The following CCDC102B variants were observed in gnomAD, a reference collection of about 807,000 sequenced individuals.
The protein encoded by CCDC102B is coiled-coil domain containing 102B.
A neutral mutation model predicts 57.4 loss-of-function variants in CCDC102B; 75 were observed. The ratio of observed to expected loss-of-function variants is 1.31; its 90% CI spans 1.08 to 1.58. The LOEUF (loss-of-function observed/expected upper bound fraction) is 1.58, where lower values mean the gene tolerates loss of function less well. Ranked by LOEUF, CCDC102B falls within the 40% of genes most tolerant of loss-of-function variation. The pLI is 0.00. For missense variants in CCDC102B, 636 were observed against 582.6 expected (o/e 1.09, Z -0.94); for synonymous variants, 206 against 201.9 (o/e 1.02, Z -0.17).
At chr18:68,828,255 A>G (rs1344629709) in intron 1 of CCDC102B, among the ~76,000 whole-genome samples, 1 of 149,800 alleles carries the variant, frequency 6.7e-6, no homozygotes, top group Non-Finnish European at 1.5e-5. Context: ...ACATTCCACC[A>G]TACAATTGCA....
At chr18:68,967,536 A>G (rs1754879473) in intron 6 of CCDC102B, among the ~76,000 whole-genome samples, 1 of 152,200 alleles carries the variant, frequency 6.6e-6, no homozygotes, top group Admixed American at 6.6e-5. Flanking sequence ...AGTTTTACAT[A>G]AATTGTTTGA....
intron 6 of CCDC102B, among the ~76,000 whole-genome samples, chr18:68,921,442 G>T (rs2041277198): frequency 6.6e-6 from 1 of 152,198 alleles, no homozygotes; most frequent in Non-Finnish European, 1.5e-5. Context: ...AACTGTCAGT[G>T]TGTTACTTAT....
chr18:68,874,208 G>A (rs202148104), intron 4 of CCDC102B, among the ~76,000 whole-genome samples: 19,390 of 103,984 alleles, frequency 0.19, 1,521 homozygotes, highest in South Asian at 0.28. Context: ...GTGTGTGTGT[G>A]TGTGTATATA....
intron 6 of CCDC102B, among the ~76,000 whole-genome samples, chr18:68,951,167 A>T (rs2049687074): frequency 6.6e-6 from 1 of 152,096 alleles, no homozygotes; most frequent in South Asian, 2.1e-4. Flanking sequence ...GAAAGTGCAG[A>T]ATTTAAATAA....
chr18:68,929,675 A>G (rs2041599961), intron 6 of CCDC102B, among the ~76,000 whole-genome samples: 1 of 151,954 alleles, frequency 6.6e-6, no homozygotes, highest in African/African-American at 2.4e-5. Flanking sequence ...CCATCTCCAG[A>G]GCTTCTAAGC....
chr18:68,896,750 A>T (rs897177912), intron 5 of CCDC102B, among the ~76,000 whole-genome samples: 4 of 152,018 alleles, frequency 2.6e-5, no homozygotes, highest in African/African-American at 9.7e-5. Context: ...GGCAACTGCA[A>T]ATGTTGCATA....
At chr18:68,969,557 G>C (rs1806471530) in intron 6 of CCDC102B, among the ~76,000 whole-genome samples, 1 of 150,504 alleles carries the variant, frequency 6.6e-6, no homozygotes, top group Non-Finnish European at 1.5e-5. Context: ...AGCAGACATG[G>C]TACACAGTAG....
intron 2 of CCDC102B, among the ~76,000 whole-genome samples, chr18:68,779,167 A>G (rs2034923655): frequency 6.6e-6 from 1 of 151,970 alleles, no homozygotes. Context: ...AATGCCCAAA[A>G]TTTACTCTGC....
rs9948027 is a variant in CCDC102B at position 68,818,015 on chromosome 18, A to C, written c.-15-18734A>C. On this transcript the variant is annotated intron_variant, in intron 1 of 7. Coordinates refer to ENST00000360242, the MANE Select transcript of CCDC102B (RefSeq NM_024781.3). Reference sequence around the variant, plus strand: ...AAAATTTTCATTATATATGTTATATATACACATTTCATTACTATTTTGTAT... The same window carrying C: ...AAAATTTTCATTATATATGTTATATCTACACATTTCATTACTATTTTGTAT... Among the ~76,000 whole-genome samples the C allele has an allele frequency of 4.8e-3, 728 of 152,342 alleles. 10 individuals carry two copies. Among genetic ancestry groups the C allele is most frequent in the African/African-American group, 0.017 (694 of 41,586 alleles).
At chr18:68,959,545 T>TC (rs1367802822) in intron 6 of CCDC102B, among the ~76,000 whole-genome samples, 1 of 152,066 alleles carries the variant, frequency 6.6e-6, no homozygotes, top group Non-Finnish European at 1.5e-5. Context: ...GGCTCGATAT[T>TC]CTGCAGTTTG....
intron 4 of CCDC102B, among the ~76,000 whole-genome samples, chr18:68,860,369 G>A (rs1233985850): frequency 2.1e-5 from 1 of 46,566 alleles, no homozygotes; most frequent in African/African-American, 5.9e-5. Context: ...ACGTTAGTGG[G>A]TGCAGCGCAC....
intron 2 of CCDC102B, among the ~76,000 whole-genome samples, chr18:68,762,156 C>G (rs2034274317): frequency 6.6e-6 from 1 of 152,056 alleles, no homozygotes; most frequent in Admixed American, 6.6e-5. Flanking sequence ...CAGAAATAAG[C>G]AATCCATAAA....
intron 2 of CCDC102B, among the ~76,000 whole-genome samples, chr18:68,765,355 A>AAG (rs1491177800): frequency 6.8e-6 from 1 of 146,602 alleles, no homozygotes. Context: ...GAAAGAAAGA[A>AAG]AGAAAGAAAG....
chr18:68,970,222 CTTT>C (rs2050266207), intron 6 of CCDC102B, among the ~76,000 whole-genome samples: 2 of 151,970 alleles, frequency 1.3e-5, no homozygotes, highest in Admixed American at 6.6e-5. Context: ...AAGCACACTT[CTTT>C]ATCTTTCAAT....
At chr18:68,741,703 ACACACACACACCCC>A (rs1177122517) in intron 2 of CCDC102B, among the ~76,000 whole-genome samples, 2 of 116,126 alleles carry the variant, frequency 1.7e-5, no homozygotes, top group Admixed American at 1.8e-4. Flanking sequence ...ACACACACAC[ACACACACACACCCC>A]AAGACAATAT....
At chr18:68,841,302 C>A (rs899833955) in intron 3 of CCDC102B, among the ~76,000 whole-genome samples, 4 of 152,124 alleles carry the variant, frequency 2.6e-5, no homozygotes, top group African/African-American at 7.2e-5. Flanking sequence ...CTCAGGGACT[C>A]ATTTTTTTCC....
chr18:68,764,208 A>G (rs1020757695), intron 2 of CCDC102B, among the ~76,000 whole-genome samples: 1 of 152,076 alleles, frequency 6.6e-6, no homozygotes, highest in African/African-American at 2.4e-5. Flanking sequence ...CCTTCCGTAT[A>G]CTTTTTTCCA....
At chr18:68,899,143 T>A (rs1191082805) in intron 6 of CCDC102B, among the ~76,000 whole-genome samples, 2 of 151,986 alleles carry the variant, frequency 1.3e-5, no homozygotes, top group African/African-American at 4.8e-5. Context: ...TTTATCCTCT[T>A]CATTACAAAT....
intron 6 of CCDC102B, among the ~76,000 whole-genome samples, chr18:69,005,233 A>C (rs1383163207): frequency 6.6e-6 from 1 of 152,168 alleles, no homozygotes; most frequent in African/African-American, 2.4e-5. Context: ...TGTTGATAGC[A>C]TTATTACTTG....
Sources: allele counts gnomAD v4.1 joint callset (sites outside exome capture counted in the v4.1 genomes callset), GRCh38; gene constraint gnomAD v4.1.1; transcripts MANE v1.5; gene names NCBI Gene and HGNC (gene_info 2026-07-23, HGNC 2026-07-21).